The following GLCCI1 variants were observed in gnomAD, a reference collection of about 807,000 sequenced individuals.
GLCCI1 encodes the protein glucocorticoid-induced transcript 1 protein.
Under a neutral mutation model 52.2 loss-of-function variants are expected in GLCCI1, and 24 were observed. That is an observed-to-expected ratio of 0.46 (90% CI 0.33 to 0.65). GLCCI1 has a LOEUF of 0.65. Among genes scored for constraint, GLCCI1 ranks in the 30% least tolerant of loss-of-function variants. The probability of loss-of-function intolerance (pLI) is 0.02; values close to 1 mark genes in which losing one functional copy is unlikely to be tolerated. For missense variants in GLCCI1, 704 were observed against 701.5 expected (o/e 1.00, Z -0.04); for synonymous variants, 310 against 276.5 (o/e 1.12, Z -1.20).
chr7:8,078,117 C>T (rs1366542545), intron 6 of GLCCI1, among the ~76,000 whole-genome samples: 1 of 150,106 alleles, frequency 6.7e-6, no homozygotes, highest in Non-Finnish European at 1.5e-5. Context: ...ACCTGTAGTC[C>T]CAGCTACTCG....
intron 1 of GLCCI1, chr7:7,980,920 G>T: frequency 6.6e-6 from 4 of 602,614 alleles, no homozygotes; most frequent in Non-Finnish European, 1.2e-5. Flanking sequence ...ATTAATCCCT[G>T]ATCAATCACC....
At chr7:8,010,380 C>A (rs1346634632) in intron 2 of GLCCI1, among the ~76,000 whole-genome samples, 1 of 152,172 alleles carries the variant, frequency 6.6e-6, no homozygotes, top group Non-Finnish European at 1.5e-5. Flanking sequence ...TTATATATAA[C>A]TTGTAAAAGA....
At chr7:8,037,714 A>G (rs983396754) in intron 3 of GLCCI1, among the ~76,000 whole-genome samples, 2 of 152,210 alleles carry the variant, frequency 1.3e-5, no homozygotes, top group African/African-American at 4.8e-5. Context: ...CATTCCTTGC[A>G]AATGGAAAGA....
At chr7:8,010,992 G>C (rs895536791) in intron 2 of GLCCI1, among the ~76,000 whole-genome samples, 4 of 151,662 alleles carry the variant, frequency 2.6e-5, no homozygotes, top group African/African-American at 9.7e-5. Context: ...GGTAGCCTGT[G>C]CTTGTAATCT....
intron 3 of GLCCI1, among the ~76,000 whole-genome samples, chr7:8,029,558 A>C (rs2127951136): frequency 6.6e-6 from 1 of 152,338 alleles, no homozygotes; most frequent in Middle Eastern, 3.4e-3. Flanking sequence ...TGGAAGTCTT[A>C]GCTGGAGTAA....
intron 3 of GLCCI1, among the ~76,000 whole-genome samples, chr7:8,034,886 G>A (rs1389314734): frequency 6.6e-6 from 1 of 152,168 alleles, no homozygotes; most frequent in African/African-American, 2.4e-5. Flanking sequence ...CACTGGTGTG[G>A]GTGGTGATTT....
intron 2 of GLCCI1, among the ~76,000 whole-genome samples, chr7:8,013,380 A>T: frequency 6.6e-6 from 1 of 152,156 alleles, no homozygotes. Flanking sequence ...GTTATATCAT[A>T]AATTTCCATT....
rs903770836 is a variant in GLCCI1, at chr7:7,982,745, A to G, written c.457+12938A>G. On this transcript the variant is annotated intron_variant, in intron 1 of 7. Coordinates refer to ENST00000223145, the MANE Select transcript of GLCCI1 (RefSeq NM_138426.4). ...TGTTTCTCAATTTTGTATAAATGGC[A>G]TAATGTTTGTTTACTTTTGTGACTT... 2.6e-5 allele frequency among the ~76,000 whole-genome samples: 4 copies of G among 152,186 alleles called. No homozygotes were observed. In the East Asian group the frequency reaches 5.8e-4, roughly 22 times the overall value.
chr7:8,007,798 G>C (rs987674385), intron 2 of GLCCI1, among the ~76,000 whole-genome samples: 1 of 151,940 alleles, frequency 6.6e-6, no homozygotes, highest in Admixed American at 6.6e-5. Context: ...ATTATTGAGA[G>C]CTTGACATAA....
intron 2 of GLCCI1, among the ~76,000 whole-genome samples, chr7:8,011,821 T>C (rs907887044): frequency 2.6e-5 from 4 of 152,204 alleles, no homozygotes; most frequent in Middle Eastern, 6.8e-3. Flanking sequence ...TTTTGTTTTT[T>C]TGTTTGTTTT....
chr7:8,068,482 ACT>A (rs1180646905), intron 5 of GLCCI1, among the ~76,000 whole-genome samples: 3 of 152,032 alleles, frequency 2.0e-5, no homozygotes, highest in African/African-American at 4.8e-5. Flanking sequence ...GTGTTTTTCA[ACT>A]CTCTGATCAG....
chr7:8,053,169 C>T (rs376881987), intron 3 of GLCCI1, among the ~76,000 whole-genome samples: 3 of 149,744 alleles, frequency 2.0e-5, no homozygotes, highest in Non-Finnish European at 2.9e-5. Flanking sequence ...TCTGTTTTTT[C>T]TTCATTTAAT....
At chr7:8,056,961 A>T (rs889446014) in intron 4 of GLCCI1, among the ~76,000 whole-genome samples, 1 of 152,310 alleles carries the variant, frequency 6.6e-6, no homozygotes, top group Non-Finnish European at 1.5e-5. Flanking sequence ...CTTACATATG[A>T]TATTATATAT....
At chr7:8,000,357 A>G (rs901419454) in intron 1 of GLCCI1, among the ~76,000 whole-genome samples, 2 of 152,190 alleles carry the variant, frequency 1.3e-5, no homozygotes, top group African/African-American at 4.8e-5. Context: ...TATTAATAGA[A>G]CTAGAAACAG....
rs997516528 is a variant in GLCCI1 at position 8,022,468 on chromosome 7, A to G, written c.610-15A>G. The stretch of plus-strand genomic sequence containing the variant: ...ATAAAATTTCTTATTTTATTTATAT[A>G]TATATTTTTTAAAGACACCTAGCTG... On this transcript the variant is annotated splice_polypyrimidine_tract_variant and intron_variant, in intron 2 of 7. Coordinates refer to ENST00000223145, the MANE Select transcript of GLCCI1 (RefSeq NM_138426.4). The G allele has an allele frequency of 3.7e-5, 53 of 1,426,946 alleles. No individual in the cohort carries two copies. Among genetic ancestry groups the G allele is most frequent in the Non-Finnish European group, 4.7e-5 (50 of 1,062,430 alleles). The allele number at this position is 1,426,946 out of a possible 1,614,324, so 88.4% of individuals were successfully genotyped here. A position where few individuals can be genotyped will look rare whatever the true frequency, so the allele number is the denominator to read the frequency against.
At chr7:8,040,982 C>T (rs1333633038) in intron 3 of GLCCI1, among the ~76,000 whole-genome samples, 1 of 152,106 alleles carries the variant, frequency 6.6e-6, no homozygotes, top group African/African-American at 2.4e-5. Flanking sequence ...CTCTCACATT[C>T]AGTCAAAAGC....
At chr7:8,030,100 GA>G (rs1282393548) in intron 3 of GLCCI1, among the ~76,000 whole-genome samples, 6 of 152,022 alleles carry the variant, frequency 3.9e-5, no homozygotes, top group Non-Finnish European at 7.4e-5. Context: ...TGTCCTAAGC[GA>G]AAAGAACAAA....
At chr7:8,067,486 T>C (rs970353198) in intron 5 of GLCCI1, among the ~76,000 whole-genome samples, 3 of 152,330 alleles carry the variant, frequency 2.0e-5, no homozygotes, top group African/African-American at 7.2e-5. Context: ...GTGTACTTAA[T>C]TGTGTTTTTG....
chr7:8,021,452 G>C (rs921266322), intron 2 of GLCCI1, among the ~76,000 whole-genome samples: 1 of 151,636 alleles, frequency 6.6e-6, no homozygotes, highest in Non-Finnish European at 1.5e-5. Context: ...CACTCTCGTC[G>C]CCCAGGCTGG....
Sources: allele counts gnomAD v4.1 joint callset (sites outside exome capture counted in the v4.1 genomes callset), GRCh38; gene constraint gnomAD v4.1.1; transcripts MANE v1.5; gene names NCBI Gene and HGNC (gene_info 2026-07-23, HGNC 2026-07-21).